Variants in GRM8 observed in about 807,000 individuals in gnomAD.
GRM8 encodes metabotropic glutamate receptor 8.
GRM8 carries 47 observed loss-of-function variants against 87.2 expected under a neutral mutation model. The observed-to-expected ratio is 0.54, with a 90% CI of 0.43 to 0.69. GRM8 has a LOEUF of 0.69. GRM8 is among the 30% of genes least tolerant of loss of function. The pLI, the probability that GRM8 is intolerant of heterozygous loss-of-function variation, is 0.00. For synonymous variants in GRM8, 396 were observed against 404.5 expected (o/e 0.98, Z 0.25); for missense variants, 1,019 against 1,139.2 (o/e 0.89, Z 1.52).
chr7:127,114,595 C>G (rs1826588610), intron 2 of GRM8, among the ~76,000 whole-genome samples: 1 of 152,162 alleles, frequency 6.6e-6, no homozygotes, highest in South Asian at 2.1e-4. Flanking sequence ...AGAGGAGAGA[C>G]AAGATCAATC....
At chr7:126,858,114 A>T in intron 6 of GRM8, among the ~76,000 whole-genome samples, 1 of 152,300 alleles carries the variant, frequency 6.6e-6, no homozygotes, top group South Asian at 2.1e-4. Flanking sequence ...GAACTTGGTA[A>T]TTAACCACTT....
chr7:126,989,118 G>C (rs1812387998), intron 3 of GRM8, among the ~76,000 whole-genome samples: 1 of 152,128 alleles, frequency 6.6e-6, no homozygotes, highest in Admixed American at 6.6e-5. Context: ...TGGTCATTTG[G>C]TCATTATCCT....
intron 7 of GRM8, among the ~76,000 whole-genome samples, chr7:126,760,060 C>G (rs1356834235): frequency 1.3e-5 from 2 of 152,122 alleles, no homozygotes; most frequent in African/African-American, 4.8e-5. Flanking sequence ...CAAATCTTCT[C>G]TGTTCCTACA....
chr7:126,833,654 G>A (rs1324313494), intron 6 of GRM8, among the ~76,000 whole-genome samples: 1 of 152,076 alleles, frequency 6.6e-6, no homozygotes, highest in Non-Finnish European at 1.5e-5. Context: ...ATCCCATCAT[G>A]GAGCCCCACC....
intron 9 of GRM8, among the ~76,000 whole-genome samples, chr7:126,502,070 C>T (rs1192652339): frequency 6.6e-6 from 1 of 151,880 alleles, no homozygotes; most frequent in African/African-American, 2.4e-5. Context: ...ACTTTTGGTC[C>T]TAATGGAGAA....
At chr7:126,816,764 G>C (rs1343083647) in intron 6 of GRM8, among the ~76,000 whole-genome samples, 1 of 143,302 alleles carries the variant, frequency 7.0e-6, no homozygotes, top group Non-Finnish European at 1.6e-5. Context: ...GTGTGTGTGT[G>C]TGTGTAGTGT....
At chr7:126,734,525 A>C (rs769773733) in intron 7 of GRM8, among the ~76,000 whole-genome samples, 8 of 151,540 alleles carry the variant, frequency 5.3e-5, no homozygotes, top group Non-Finnish European at 8.8e-5. Context: ...ATAATATATT[A>C]AAATGGCCTT....
In GRM8 at chr7:126,470,713, G is replaced by C. The variant is rs143447917; in HGVS notation, c.2431-24341C>G. Among the ~76,000 whole-genome samples the C allele has an allele frequency of 4.1e-3, 624 of 152,182 alleles. 4 individuals carry two copies. Among genetic ancestry groups the C allele is most frequent in the African/African-American group, 0.015 (605 of 41,526 alleles). On this transcript the variant is annotated intron_variant, in intron 9 of 10. Coordinates refer to ENST00000339582, the MANE Select transcript of GRM8 (RefSeq NM_000845.3). ...TCCTTTGGGTATATACCCAGTAATGGGATTACTAGGTCAAATGGCATTTCT... is the reference window on the plus strand; with the variant it reads ...TCCTTTGGGTATATACCCAGTAATGCGATTACTAGGTCAAATGGCATTTCT...
intron 6 of GRM8, among the ~76,000 whole-genome samples, chr7:126,799,814 C>T (rs1053187073): frequency 4.6e-5 from 7 of 152,242 alleles, no homozygotes; most frequent in African/African-American, 1.7e-4. Flanking sequence ...TGCCTCCTCA[C>T]CTGTCCAGTT....
At chr7:126,647,413 A>G (rs62477915) in intron 7 of GRM8, among the ~76,000 whole-genome samples, 46,526 of 151,286 alleles carry the variant, frequency 0.31, 8,042 homozygotes, top group East Asian at 0.43. Context: ...CTTACGAGTT[A>G]AATTTGCCAT....
chr7:127,070,596 A>ACAATGAGCTAG (rs1309294844), intron 3 of GRM8, among the ~76,000 whole-genome samples: 1 of 152,156 alleles, frequency 6.6e-6, no homozygotes, highest in Non-Finnish European at 1.5e-5. Context: ...CTCATTGAAA[A>ACAATGAGCTAG]CAATGAGCTA....
At chr7:126,773,104 C>T (rs1205840676) in intron 6 of GRM8, among the ~76,000 whole-genome samples, 1 of 151,912 alleles carries the variant, frequency 6.6e-6, no homozygotes, top group African/African-American at 2.4e-5. Flanking sequence ...GGCTTGAGCC[C>T]AAGGTACAAT....
chr7:127,215,930 T>C (rs577566811), intron 2 of GRM8, among the ~76,000 whole-genome samples: 2 of 152,234 alleles, frequency 1.3e-5, no homozygotes, highest in South Asian at 4.2e-4. Context: ...GAGGTGTCAA[T>C]CAATCCATTT....
intron 3 of GRM8, among the ~76,000 whole-genome samples, chr7:127,057,590 T>C (rs142671048): frequency 4.2e-4 from 64 of 152,326 alleles, no homozygotes; most frequent in African/African-American, 1.5e-3. Flanking sequence ...TTTCTCCTTT[T>C]TAACATATCT....
intron 8 of GRM8, among the ~76,000 whole-genome samples, chr7:126,561,114 G>T (rs76035469): frequency 1.3e-5 from 2 of 152,058 alleles, no homozygotes; most frequent in East Asian, 1.9e-4. Flanking sequence ...TTTCACTCAG[G>T]TTAACCATAA....
intron 3 of GRM8, among the ~76,000 whole-genome samples, chr7:127,019,383 A>T (rs1816028849): frequency 6.6e-6 from 1 of 152,084 alleles, no homozygotes; most frequent in Non-Finnish European, 1.5e-5. Context: ...CTGAGAGCTC[A>T]GCCAGGTGCT....
chr7:126,633,345 C>A (rs1328606531), intron 7 of GRM8, among the ~76,000 whole-genome samples: 1 of 152,046 alleles, frequency 6.6e-6, no homozygotes, highest in Non-Finnish European at 1.5e-5. Flanking sequence ...CTGAGAAGAA[C>A]ACTAATAATA....
chr7:126,724,073 T>A (rs1407361554), intron 7 of GRM8, among the ~76,000 whole-genome samples: 10 of 152,156 alleles, frequency 6.6e-5, no homozygotes. Context: ...GTTTTTATGT[T>A]TTCTCTGCTT....
chr7:127,216,351 T>C (rs1189595132), intron 2 of GRM8, among the ~76,000 whole-genome samples: 2 of 151,212 alleles, frequency 1.3e-5, no homozygotes, highest in African/African-American at 2.4e-5. Flanking sequence ...ACCCTGTCTC[T>C]ACGAAAAATA....
Sources: gnomAD v4.1 joint callset for allele counts (sites outside exome capture counted in the v4.1 genomes callset) on GRCh38, gnomAD v4.1.1 for gene constraint, MANE v1.5 for transcripts, NCBI Gene and HGNC (gene_info 2026-07-23, HGNC 2026-07-21) for gene names.